Variants in THADA observed in about 807,000 individuals in gnomAD.
THADA encodes the protein THADA armadillo repeat containing.
A neutral mutation model predicts 219.8 loss-of-function variants in THADA; 213 were observed. The observed-to-expected ratio is 0.97, with a 90% CI of 0.87 to 1.09. The LOEUF is 1.09. Among genes scored for constraint, THADA ranks in the 50% least tolerant of loss-of-function variants. THADA has a pLI of 0.00. For missense variants in THADA, 2,956 were observed against 2,311.3 expected, an observed-to-expected ratio of 1.28 and a Z score of -5.72; for synonymous variants, 1,018 against 828.9, an observed-to-expected ratio of 1.23 and a Z score of -3.92.
chr2:43,543,601 T>C (rs1695610499), intron 20 of THADA, among the ~76,000 whole-genome samples: 1 of 152,166 alleles, frequency 6.6e-6, no homozygotes, highest in Non-Finnish European at 1.5e-5. Context: ...ATTGTGGTTT[T>C]GATTTGCATT....
In THADA at chr2:43,577,223, C is replaced by T. The variant is rs369231765; in HGVS notation, c.836G>A (p.Arg279His). 8 of 1,594,088 alleles carry T rather than the reference C, an allele frequency of 5.0e-6. No individual in the cohort carries two copies. The highest frequency in any genetic ancestry group is 2.3e-5 in the South Asian group (2 of 87,640). ...GGGGACACTGGTGCAGTCCACTGAA[C>T]GAAGCAGCACACTGCTAATCTGGAA... is the stretch of plus-strand genomic sequence containing the variant. ...IPHLISSVLL[R>H]SVDCTSVPEW... is the part of the protein sequence containing the mutation. Residue 279 changes from arginine (R) to histidine (H), a missense_variant, in exon 10 of 38, where the codon CGT becomes CAT. Coordinates refer to ENST00000405975, the MANE Select transcript of THADA (RefSeq NM_022065.5).
At chr2:43,268,120 G>C (rs1671728422) in intron 36 of THADA, among the ~76,000 whole-genome samples, 1 of 152,228 alleles carries the variant, frequency 6.6e-6, no homozygotes, top group Non-Finnish European at 1.5e-5. Context: ...TGCTCCTGTA[G>C]ATCAGCCTCA....
intron 36 of THADA, among the ~76,000 whole-genome samples, chr2:43,241,555 G>A (rs1390108324): frequency 6.7e-6 from 1 of 148,480 alleles, no homozygotes; most frequent in Non-Finnish European, 1.5e-5. Flanking sequence ...CTGGACAGGG[G>A]TGCAAAGGGA....
In THADA at chr2:43,406,290, G is replaced by T. The variant is rs1206845215; in HGVS notation, c.4059-8151C>A. Among the ~76,000 whole-genome samples, 3 of 152,134 alleles carry T rather than the reference G, an allele frequency of 2.0e-5. No individual in the cohort carries two copies. In the South Asian group the frequency reaches 6.2e-4, roughly 32 times the overall value. On this transcript the variant is annotated intron_variant, in intron 28 of 37. Transcript: ENST00000405975. The stretch of plus-strand genomic sequence containing the variant: ...ACACAATGCAGTTGTTACTTTAAAA[G>T]CTCTCTAAACAATATGCTTTAATTG...
chr2:43,429,296 A>G (rs1678926745), intron 27 of THADA, among the ~76,000 whole-genome samples: 1 of 152,076 alleles, frequency 6.6e-6, no homozygotes, highest in Admixed American at 6.5e-5. Context: ...TAATAGAGAC[A>G]GGGTTTCGCC....
chr2:43,415,731 G>A (rs1203050519), intron 28 of THADA, among the ~76,000 whole-genome samples: 1 of 152,006 alleles, frequency 6.6e-6, no homozygotes, highest in East Asian at 1.9e-4. Flanking sequence ...TCATATCTAG[G>A]GCCCTCGTGA....
chr2:43,297,858 C>G (rs1281520561), intron 31 of THADA, among the ~76,000 whole-genome samples: 1 of 117,856 alleles, frequency 8.5e-6, no homozygotes, highest in East Asian at 2.3e-4. Flanking sequence ...CCAGCCGCCC[C>G]GTCCGGGAGG....
At chr2:43,296,180 A>G (rs1261059838) in intron 31 of THADA, among the ~76,000 whole-genome samples, 4 of 151,960 alleles carry the variant, frequency 2.6e-5, no homozygotes, top group Non-Finnish European at 4.4e-5. Context: ...AGCCTCCCAA[A>G]GTGCTGGGAT....
Position 43,593,837 on chromosome 2 carries a change from G to A in THADA, c.-24-1421C>T, listed in dbSNP as rs954808973. ...TTTAGTAGAGACGGGGTTTCATCAT[G>A]TTAGCCAGGATGGTCTCGATCTCCT... On this transcript the variant is annotated intron_variant, in intron 1 of 37. Coordinates refer to ENST00000405975, the MANE Select transcript of THADA (RefSeq NM_022065.5). Among the ~76,000 whole-genome samples the A allele has an allele frequency of 3.3e-5, 5 of 152,160 alleles. No individual in the cohort carries two copies. In the South Asian group the frequency reaches 1.0e-3, roughly 32 times the overall value.
intron 20 of THADA, among the ~76,000 whole-genome samples, chr2:43,542,047 C>T (rs1695392324): frequency 6.6e-6 from 1 of 151,976 alleles, no homozygotes. Context: ...TATTTAATTC[C>T]CATGGCCAAT....
intron 30 of THADA, among the ~76,000 whole-genome samples, chr2:43,335,318 G>A (rs1356642158): frequency 6.6e-6 from 1 of 152,184 alleles, no homozygotes; most frequent in Non-Finnish European, 1.5e-5. Context: ...TAAGGTGCCG[G>A]GAGCTAAGCC....
chr2:43,265,974 C>T (rs973620919), intron 36 of THADA, among the ~76,000 whole-genome samples: 1 of 134,146 alleles, frequency 7.5e-6, no homozygotes, highest in Non-Finnish European at 1.6e-5. Context: ...CACACACACA[C>T]ACACACACAC....
chr2:43,286,251 G>T (rs1673990438), intron 35 of THADA, among the ~76,000 whole-genome samples: 1 of 152,224 alleles, frequency 6.6e-6, no homozygotes, highest in African/African-American at 2.4e-5. Context: ...TAAGGCAGGA[G>T]GAGTGGGCTA....
intron 21 of THADA, among the ~76,000 whole-genome samples, chr2:43,531,344 C>G (rs998483163): frequency 2.6e-5 from 4 of 152,190 alleles, no homozygotes; most frequent in Non-Finnish European, 5.9e-5. Flanking sequence ...TAAATAAGTG[C>G]GTGCCAGCTA....
At position 43,556,435 on chromosome 2, in the gene THADA, GTAGAGCATCCTGCCAGAT is replaced by G. The variant is rs774932504; in HGVS notation, c.2566_2583del (p.Ile856_Leu861del). ...GTTAAGTAGGCAGACAAGGATGACG[GTAGAGCATCCTGCCAGAT>G]TAAGAAGTTCAGCAGGTAGGAAGCT... On this transcript the variant is annotated inframe_deletion, in exon 17 of 38. Transcript: ENST00000405975. 2 of 1,613,816 alleles carry G rather than the reference GTAGAGCATCCTGCCAGAT, an allele frequency of 1.2e-6. No individual in the cohort carries two copies. The highest frequency in any genetic ancestry group is 2.2e-5 in the South Asian group (2 of 91,066).
intron 28 of THADA, among the ~76,000 whole-genome samples, chr2:43,409,690 G>A (rs558296138): frequency 2.0e-5 from 3 of 152,148 alleles, no homozygotes; most frequent in East Asian, 1.9e-4. Flanking sequence ...ATAAATCTAT[G>A]TCTAAAAGAC....
At chr2:43,588,822 T>C (rs898922209) in intron 4 of THADA, among the ~76,000 whole-genome samples, 1 of 152,118 alleles carries the variant, frequency 6.6e-6, no homozygotes, top group African/African-American at 2.4e-5. Context: ...CTTCTTGGAA[T>C]TTATCTCAGA....
At chr2:43,244,601 T>C (rs1034938424) in intron 36 of THADA, among the ~76,000 whole-genome samples, 3 of 152,168 alleles carry the variant, frequency 2.0e-5, no homozygotes, top group Non-Finnish European at 4.4e-5. Context: ...GGGGCCCTGG[T>C]GTGTGAAGGG....
In THADA at chr2:43,566,751, A is replaced by T. The variant is rs1363219410; in HGVS notation, c.2258T>A (p.Phe753Tyr). ...LFPGSSYSTR[F>Y]SALTILGSIA... ...TGAACCTAAAATGGTTAAAGCTGAA[A>T]ATCTAGTCGAGTAGGAAGATCCAGG... is the stretch of plus-strand genomic sequence containing the variant. Residue 753 changes from phenylalanine (F) to tyrosine (Y), a missense_variant, in exon 15 of 38, where the codon TTT (phenylalanine) becomes TAT (tyrosine). Phe to Tyr is a conservative substitution (Grantham distance 22). Transcript: ENST00000405975. 1 of 1,585,946 alleles carries T rather than the reference A, an allele frequency of 6.3e-7. No homozygotes were observed. Among genetic ancestry groups the T allele is most frequent in the Non-Finnish European group, 8.5e-7 (1 of 1,171,378 alleles).
Sources: allele counts gnomAD v4.1 joint callset (sites outside exome capture counted in the v4.1 genomes callset), GRCh38; gene constraint gnomAD v4.1.1; transcripts MANE v1.5; gene names NCBI Gene and HGNC (gene_info 2026-07-23, HGNC 2026-07-21).